Variants in ANKRD11 observed in about 807,000 individuals in gnomAD.
The protein encoded by ANKRD11 is ankyrin repeat domain 11, also known as ankyrin repeat domain-containing protein 11.
Under a neutral mutation model 195.7 loss-of-function variants are expected in ANKRD11, and 17 were observed. The ratio of observed to expected loss-of-function variants is 0.09; its 90% CI spans 0.06 to 0.13. The LOEUF (loss-of-function observed/expected upper bound fraction) is 0.13, where lower values mean the gene tolerates loss of function less well. Among genes scored for constraint, ANKRD11 ranks in the 10% least tolerant of loss-of-function variants. ANKRD11 has a pLI of 1.00. For missense variants in ANKRD11, 3,735 were observed against 3,566.1 expected (o/e 1.05, Z -1.21); for synonymous variants, 1,953 against 1,528.1 (o/e 1.28, Z -6.49).
At chr16:89,316,576 C>G (rs529227008) in intron 3 of ANKRD11, among the ~76,000 whole-genome samples, 103 of 152,354 alleles carry the variant, frequency 6.8e-4, no homozygotes, top group Non-Finnish European at 1.3e-3. Flanking sequence ...AGTAACGTGG[C>G]CCAGCATTGC....
chr16:89,441,992 A>G (rs1442591853), intron 1 of ANKRD11, among the ~76,000 whole-genome samples: 2 of 152,180 alleles, frequency 1.3e-5, no homozygotes, highest in East Asian at 3.9e-4. Context: ...CTAGAAATTA[A>G]AAATCCTTGT....
At chr16:89,304,347 C>T (rs529086952) in intron 4 of ANKRD11, among the ~76,000 whole-genome samples, 16 of 151,574 alleles carry the variant, frequency 1.1e-4, no homozygotes, top group South Asian at 4.3e-4. Context: ...CACACACACA[C>T]GGGCGCATAC....
chr16:89,343,645 C>G (rs764005680), intron 2 of ANKRD11: 1 of 152,228 alleles, frequency 6.6e-6, no homozygotes, highest in Non-Finnish European at 1.5e-5. Flanking sequence ...AGCAACTGGC[C>G]GGAACTTGGT....
At chr16:89,288,915 G>A (rs1435678717) in intron 6 of ANKRD11, 3 of 599,946 alleles carry the variant, frequency 5.0e-6, no homozygotes, top group Non-Finnish European at 8.9e-6. Context: ...ACAACCTGCA[G>A]GGCTAATCTG....
chr16:89,402,950 T>C (rs1354664270), intron 2 of ANKRD11, among the ~76,000 whole-genome samples: 6 of 152,128 alleles, frequency 3.9e-5, no homozygotes, highest in Non-Finnish European at 5.9e-5. Context: ...AGCCTGCCAG[T>C]GGAGACCTCT....
At chr16:89,323,130 G>A in intron 2 of ANKRD11, 1 of 348,250 alleles carries the variant, frequency 2.9e-6, no homozygotes, top group South Asian at 2.2e-5. Context: ...GCGCTCCGTG[G>A]AAAGGGAGAA....
At chr16:89,428,785 T>C (rs1274180499) in intron 1 of ANKRD11, among the ~76,000 whole-genome samples, 1 of 151,930 alleles carries the variant, frequency 6.6e-6, no homozygotes, top group African/African-American at 2.4e-5. Flanking sequence ...TCCCAGCTAC[T>C]CAGGAGGCTA....
intron 11 of ANKRD11, chr16:89,272,586 C>T (rs560708654): frequency 1.3e-5 from 2 of 152,310 alleles, no homozygotes; most frequent in Non-Finnish European, 2.9e-5. Context: ...CCTGTGATCC[C>T]AGCTACCCGG....
At position 89,323,392 on chromosome 16, in the gene ANKRD11, G is replaced by A. The variant is rs1176626386; in HGVS notation, c.-59-6314C>T. 5 of 1,260,282 alleles carry A rather than the reference G, an allele frequency of 4.0e-6. No individual in the cohort carries two copies. The East Asian group carries it at 2.3e-4, about 57-fold the overall frequency. 78.1% of individuals were successfully genotyped at this position (1,260,282 alleles called of 1,614,324 possible). On this transcript the variant is annotated intron_variant, in intron 2 of 12. Coordinates refer to ENST00000301030, the MANE Select transcript of ANKRD11 (RefSeq NM_013275.6). Reference sequence around the variant, plus strand: ...CTCACCATCTCAGTGGGCAAGGGGAGAGCAAGCAGCCCAGGGCAGGGGGGC... The same window carrying A: ...CTCACCATCTCAGTGGGCAAGGGGAAAGCAAGCAGCCCAGGGCAGGGGGGC...
intron 1 of ANKRD11, among the ~76,000 whole-genome samples, chr16:89,424,718 G>A (rs1234861427): frequency 6.6e-6 from 1 of 152,178 alleles, no homozygotes. Context: ...GGTTCTCAGG[G>A]GTTAGGGACC....
intron 1 of ANKRD11, among the ~76,000 whole-genome samples, chr16:89,470,044 T>C (rs1340135703): frequency 6.7e-6 from 1 of 150,178 alleles, no homozygotes; most frequent in East Asian, 2.1e-4. Flanking sequence ...TAGCTGGGAC[T>C]ACAGGCGCCC....
intron 1 of ANKRD11, among the ~76,000 whole-genome samples, chr16:89,478,880 G>A (rs1294978498): frequency 6.6e-6 from 1 of 152,226 alleles, no homozygotes; most frequent in Non-Finnish European, 1.5e-5. Context: ...GGTTAAACAT[G>A]CCTGAACTGA....
intron 6 of ANKRD11, chr16:89,288,898 C>A (rs140987139): frequency 1.6e-6 from 1 of 618,166 alleles, no homozygotes; most frequent in Non-Finnish European, 2.9e-6. Flanking sequence ...ATTAACCCTA[C>A]GGACTGACAA....
intron 2 of ANKRD11, among the ~76,000 whole-genome samples, chr16:89,399,521 A>T (rs1377299760): frequency 6.6e-6 from 1 of 152,138 alleles, no homozygotes. Flanking sequence ...GGACGGAGGG[A>T]TGTGCAGCAG....
Position 89,313,310 on chromosome 16 carries a change from T to C in ANKRD11, c.87+3623A>G, listed in dbSNP as rs1404409889. On this transcript the variant is annotated intron_variant, in intron 3 of 12. Transcript: ENST00000301030. ...GGGACGACACTGTTCTCTGTAGCCC[T>C]GCACACCTTTGGATCAGAACACACT... The C allele has an allele frequency of 2.3e-6, 3 of 1,287,088 alleles. No individual in the cohort carries two copies. The Admixed American group carries it at 6.9e-5, about 30-fold the overall frequency. The allele number at this position is 1,287,088 out of a possible 1,614,324, so 79.7% of individuals were successfully genotyped here. A position where few individuals can be genotyped will look rare whatever the true frequency, so the allele number is the denominator to read the frequency against.
chr16:89,467,434 C>T (rs1484442338), intron 1 of ANKRD11, among the ~76,000 whole-genome samples: 1 of 152,192 alleles, frequency 6.6e-6, no homozygotes, highest in South Asian at 2.1e-4. Context: ...AGAGTAAGAC[C>T]TTGTCTCTAA....
intron 2 of ANKRD11, among the ~76,000 whole-genome samples, chr16:89,386,310 A>T (rs1414203727): frequency 2.0e-5 from 3 of 152,128 alleles, no homozygotes; most frequent in African/African-American, 7.2e-5. Flanking sequence ...TAAGACAGAC[A>T]ATGCACTAAT....
intron 2 of ANKRD11, among the ~76,000 whole-genome samples, chr16:89,346,547 C>A (rs914935894): frequency 6.6e-6 from 1 of 152,220 alleles, no homozygotes; most frequent in Non-Finnish European, 1.5e-5. Context: ...CTGTGAGAGT[C>A]ACCTTCTGAA....
chr16:89,302,342 T>A (rs1260828012), intron 4 of ANKRD11, among the ~76,000 whole-genome samples: 1 of 152,210 alleles, frequency 6.6e-6, no homozygotes, highest in Non-Finnish European at 1.5e-5. Flanking sequence ...AACCTCCACC[T>A]ATTGGGTTCA....
Sources: allele counts gnomAD v4.1 joint callset (sites outside exome capture counted in the v4.1 genomes callset), GRCh38; gene constraint gnomAD v4.1.1; transcripts MANE v1.5; gene names NCBI Gene and HGNC (gene_info 2026-07-23, HGNC 2026-07-21).